The following C12orf56 variants were observed in gnomAD, a reference collection of about 807,000 sequenced individuals.
C12orf56 encodes uncharacterized protein C12orf56.
C12orf56 carries 71 observed loss-of-function variants against 69.9 expected under a neutral mutation model. The ratio of observed to expected loss-of-function variants is 1.02; its 90% CI spans 0.84 to 1.24. The LOEUF (loss-of-function observed/expected upper bound fraction) is 1.24. Among genes scored for constraint, C12orf56 ranks in the 50% most tolerant of loss-of-function variants. The pLI, the probability that C12orf56 is intolerant of heterozygous loss-of-function variation, is 0.00. For synonymous variants in C12orf56, 276 were observed against 274.1 expected (o/e 1.01, Z -0.07); for missense variants, 732 against 738.5 (o/e 0.99, Z 0.10).
Position 64,386,398 on chromosome 12 carries a change from A to ATATATT in C12orf56, c.252+3915_252+3916insAATATA, listed in dbSNP as rs752756817. ...CTGGCTAATTTTTATATATATATAT[A>ATATATT]TTTTTTTTTTTTTTTGAGACGGAGT... On this transcript the variant is annotated intron_variant, in intron 1 of 12. Coordinates refer to ENST00000543942, the MANE Select transcript of C12orf56 (RefSeq NM_001170633.2). 2.2e-3 allele frequency among the ~76,000 whole-genome samples: 188 copies of ATATATT among 87,346 alleles called. 3 individuals carry two copies. The highest frequency in any genetic ancestry group is 8.0e-3 in the African/African-American group (160 of 20,052). The allele number at this position is 87,346 out of a possible 152,430, so 57.3% of individuals were successfully genotyped here.
At chr12:64,307,368 C>CTTT (rs748644044) in intron 5 of C12orf56, among the ~76,000 whole-genome samples, 5,340 of 115,134 alleles carry the variant, frequency 0.046, 300 homozygotes, top group South Asian at 0.056. Context: ...ATAGTCAGTC[C>CTTT]TTTTTTTTTT....
intron 1 of C12orf56, among the ~76,000 whole-genome samples, chr12:64,357,055 T>C (rs368674323): frequency 6.6e-6 from 1 of 151,912 alleles, no homozygotes; most frequent in African/African-American, 2.4e-5. Context: ...TATTAAAATC[T>C]CAGGATATAT....
Position 64,305,663 on chromosome 12 carries a change from G to A in C12orf56, c.969-1884C>T, listed in dbSNP as rs530134374. On this transcript the variant is annotated intron_variant, in intron 5 of 12. Transcript: ENST00000543942. ...CTCCCAAAGTGCTGGGATTACAGGC[G>A]TGAGCCACTACGCCCGGCCAAATGT... Among the ~76,000 whole-genome samples the A allele has an allele frequency of 4.1e-4, 62 of 152,294 alleles. 1 individual carries two copies. Among genetic ancestry groups the A allele is most frequent in the African/African-American group, 1.5e-3 (61 of 41,558 alleles).
intron 1 of C12orf56, among the ~76,000 whole-genome samples, chr12:64,364,385 A>G (rs2039437944): frequency 6.6e-6 from 1 of 152,194 alleles, no homozygotes; most frequent in Non-Finnish European, 1.5e-5. Context: ...AGATAGGTTT[A>G]TCCTGACAAT....
At chr12:64,315,224 G>A (rs2038675954) in intron 4 of C12orf56, among the ~76,000 whole-genome samples, 1 of 151,510 alleles carries the variant, frequency 6.6e-6, no homozygotes, top group South Asian at 2.1e-4. Context: ...CCTGTCTTGT[G>A]CTTAATATCA....
At chr12:64,349,538 AT>A in intron 2 of C12orf56, among the ~76,000 whole-genome samples, 1 of 152,376 alleles carries the variant, frequency 6.6e-6, no homozygotes, top group Non-Finnish European at 1.5e-5. Context: ...AAAAGTCTTT[AT>A]ATGAAAAAGA....
chr12:64,267,785 C>T (rs958821439), intron 12 of C12orf56: 2 of 152,516 alleles, frequency 1.3e-5, no homozygotes, highest in African/African-American at 2.4e-5. Context: ...ATTGGAATCA[C>T]CTGGAGAGCT....
chr12:64,267,184 T>A lies in C12orf56; in HGVS notation c.1868A>T (p.Ter623LeuextTer12). Residue 623 changes from the stop codon to leucine, a stop_lost, in exon 13 of 13, where the codon TAG (stop) becomes TTG (leucine). Transcript: ENST00000543942. Reference protein sequence around the residue: ...LFHEVLKLVE* With the variant: ...LFHEVLKLVEL ...TAACATTGCGTACATTGTTTGTTTC[T>A]ATTCAACCAATTTCAGAACTTCATG... 6.3e-7 allele frequency: 1 copy of A among 1,592,574 alleles called. No homozygotes were observed.
intron 1 of C12orf56, among the ~76,000 whole-genome samples, chr12:64,374,964 C>T (rs117770340): frequency 0.035 from 5,306 of 152,186 alleles, 129 homozygotes; most frequent in Middle Eastern, 0.061. Context: ...TATTGGAATA[C>T]GTTCTTAAAT....
At chr12:64,271,085 A>C (rs534625940) in intron 11 of C12orf56, among the ~76,000 whole-genome samples, 8 of 151,662 alleles carry the variant, frequency 5.3e-5, no homozygotes, top group African/African-American at 1.9e-4. Context: ...AAAGTCGCTT[A>C]ATTCGGGAGG....
At position 64,298,237 on chromosome 12, in the gene C12orf56, T is replaced by G. The variant is rs1325047459; in HGVS notation, c.1113+5398A>C. ...CCCACTTTTTGATGGGGTTGTTTTT[T>G]GCTTGTAAATTTGTTTACGTCCTTT... is the stretch of plus-strand genomic sequence containing the variant. On this transcript the variant is annotated intron_variant, in intron 6 of 12. Transcript: ENST00000543942. 2.0e-5 allele frequency among the ~76,000 whole-genome samples: 3 copies of G among 152,320 alleles called. No homozygotes were observed. In the East Asian group the frequency reaches 5.8e-4, roughly 29 times the overall value.
rs74860881 is a variant in C12orf56 at position 64,326,865 on chromosome 12, A to C, written c.488+4095T>G. Reference sequence around the variant, plus strand: ...GGTTTGAATATTTGTCCCCTCCAAAACTTACATTGAAATTTAATCCCCAGT... The same window carrying C: ...GGTTTGAATATTTGTCCCCTCCAAACCTTACATTGAAATTTAATCCCCAGT... On this transcript the variant is annotated intron_variant, in intron 3 of 12. Transcript: ENST00000543942. Among the ~76,000 whole-genome samples, 29 of 152,338 alleles carry C rather than the reference A, an allele frequency of 1.9e-4. No individual in the cohort carries two copies. The East Asian group carries it at 5.4e-3, about 28-fold the overall frequency.
intron 1 of C12orf56, among the ~76,000 whole-genome samples, chr12:64,364,559 G>T (rs1284168148): frequency 6.6e-6 from 1 of 152,004 alleles, no homozygotes; most frequent in Non-Finnish European, 1.5e-5. Flanking sequence ...TCCCTGGTTG[G>T]CAACACTTTG....
At chr12:64,338,545 G>A (rs2136879592) in intron 2 of C12orf56, 2 of 1,403,930 alleles carry the variant, frequency 1.4e-6, no homozygotes, top group Middle Eastern at 1.8e-4. Flanking sequence ...TCACTCTGAG[G>A]ACTTTGAGTC....
chr12:64,345,983 A>G (rs1465597719), intron 2 of C12orf56, among the ~76,000 whole-genome samples: 1 of 152,190 alleles, frequency 6.6e-6, no homozygotes, highest in African/African-American at 2.4e-5. Flanking sequence ...TGGTCTAAGC[A>G]TGTAAAGCAG....
chr12:64,364,948 T>C (rs1183730472), intron 1 of C12orf56, among the ~76,000 whole-genome samples: 1 of 151,966 alleles, frequency 6.6e-6, no homozygotes, highest in African/African-American at 2.4e-5. Flanking sequence ...GCCCCATCCT[T>C]CCTCTTTAAA....
intron 6 of C12orf56, among the ~76,000 whole-genome samples, chr12:64,302,697 A>C (rs1031075014): frequency 6.6e-6 from 1 of 152,196 alleles, no homozygotes; most frequent in African/African-American, 2.4e-5. Context: ...TCACCTGAAC[A>C]TGAAAATGAG....
intron 1 of C12orf56, among the ~76,000 whole-genome samples, chr12:64,356,112 C>T (rs774627599): frequency 4.3e-5 from 6 of 138,902 alleles, no homozygotes; most frequent in African/African-American, 8.6e-5. Flanking sequence ...TGCAGTGAGC[C>T]GAGATCGTGC....
chr12:64,390,476 G>T lies in C12orf56; in HGVS notation c.90C>A (p.Tyr30Ter). The change falls in exon 1 of 13, where the codon TAC (tyrosine) becomes TAA (stop). Residue 30 changes from tyrosine to a stop codon, truncating the protein, a stop_gained. Transcript: ENST00000543942. LOFTEE classifies it high-confidence loss of function. The part of the protein sequence containing the change: ...FLRRHLPPEV[Y>*]DAVRAYEPCI... ...ATGGCTCGTAGGCGCGGACCGCGTC[G>T]TAGACCTCGGGCGGCAGATGCCGCC... 1.9e-6 allele frequency: 3 copies of T among 1,605,446 alleles called. No homozygotes were observed. Among genetic ancestry groups the T allele is most frequent in the Non-Finnish European group, 2.5e-6 (3 of 1,179,628 alleles).
Sources: allele counts gnomAD v4.1 joint callset (sites outside exome capture counted in the v4.1 genomes callset), GRCh38; gene constraint gnomAD v4.1.1; transcripts MANE v1.5; gene names NCBI Gene and HGNC (gene_info 2026-07-23, HGNC 2026-07-21).